Variants in FHIT observed in about 807,000 individuals in gnomAD.
FHIT encodes the protein fragile histidine triad diadenosine triphosphatase.
A neutral mutation model predicts 17.9 loss-of-function variants in FHIT; 19 were observed. The ratio of observed to expected loss-of-function variants is 1.06; its 90% CI spans 0.74 to 1.56. The LOEUF is 1.56. FHIT is among the 40% of genes most tolerant of loss of function. The pLI is 0.00. For missense variants in FHIT, 248 were observed against 189.2 expected (o/e 1.31, Z -1.82); for synonymous variants, 81 against 69.7 (o/e 1.16, Z -0.81).
chr3:60,183,425 CA>C (rs978981334), intron 5 of FHIT, among the ~76,000 whole-genome samples: 1 of 151,788 alleles, frequency 6.6e-6, no homozygotes, highest in Non-Finnish European at 1.5e-5. Flanking sequence ...AACAAACAAA[CA>C]AAAAAATAAA....
At chr3:60,444,692 T>A (rs1385648655) in intron 5 of FHIT, among the ~76,000 whole-genome samples, 5 of 151,964 alleles carry the variant, frequency 3.3e-5, no homozygotes, top group African/African-American at 1.2e-4. Context: ...CCGGGGTCTG[T>A]TGTTGGGTGG....
In FHIT at chr3:60,818,676, T is replaced by C. The variant is rs1701819454; in HGVS notation, c.-18+3243A>G. Among the ~76,000 whole-genome samples, 2 of 152,186 alleles carry C rather than the reference T, an allele frequency of 1.3e-5. 1 individual carries two copies. The highest frequency in any genetic ancestry group is 4.1e-4 in the South Asian group (2 of 4,826). ...TCTGAAAGTTTAGTTTGTCTCATAT[T>C]AATAAATTCAAGGGTCAACCAGAAA... is the stretch of plus-strand genomic sequence containing the variant. On this transcript the variant is annotated intron_variant, in intron 4 of 9. Transcript: ENST00000492590.
At position 59,897,868 on chromosome 3, in the gene FHIT, G is replaced by A. The variant is rs190661104; in HGVS notation, c.348+24478C>T. The stretch of plus-strand genomic sequence containing the variant: ...TGCAAGCTCCGCCTCCCGGGTTCAC[G>A]CCATTCTCCTGCCTCAGCCTCCCGA... On this transcript the variant is annotated intron_variant, in intron 8 of 9. Transcript: ENST00000492590. 8.2e-3 allele frequency among the ~76,000 whole-genome samples: 1,234 copies of A among 151,390 alleles called. 19 individuals are homozygous for A. The highest frequency in any genetic ancestry group is 0.027 in the African/African-American group (1,109 of 41,152).
chr3:60,296,919 TGC>T, intron 5 of FHIT, among the ~76,000 whole-genome samples: 1 of 119,914 alleles, frequency 8.3e-6, no homozygotes, highest in African/African-American at 3.4e-5. Context: ...TTTTTATTTT[TGC>T]AAAAAAAAAA....
intron 8 of FHIT, among the ~76,000 whole-genome samples, chr3:59,868,483 G>A (rs1178736462): frequency 6.6e-6 from 1 of 152,182 alleles, no homozygotes; most frequent in Non-Finnish European, 1.5e-5. Flanking sequence ...GCAAATATGA[G>A]GTCTTGAATC....
At chr3:60,757,174 C>T (rs56161874) in intron 4 of FHIT, among the ~76,000 whole-genome samples, 43,522 of 151,688 alleles carry the variant, frequency 0.29, 7,086 homozygotes, top group Middle Eastern at 0.37. Flanking sequence ...TGGAGATAAA[C>T]TTCAAGTAAG....
chr3:60,682,651 C>T (rs1010779919), intron 4 of FHIT, among the ~76,000 whole-genome samples: 19 of 152,178 alleles, frequency 1.2e-4, no homozygotes, highest in Non-Finnish European at 2.8e-4. Context: ...TACCTGGTCA[C>T]CCAAGAGTTC....
intron 4 of FHIT, among the ~76,000 whole-genome samples, chr3:60,645,697 C>A (rs766909135): frequency 6.6e-6 from 1 of 152,150 alleles, no homozygotes; most frequent in Non-Finnish European, 1.5e-5. Flanking sequence ...ACAATACAAC[C>A]ATTCTAACAT....
intron 3 of FHIT, among the ~76,000 whole-genome samples, chr3:60,981,243 C>G (rs535367527): frequency 2.6e-5 from 4 of 151,968 alleles, no homozygotes; most frequent in African/African-American, 9.7e-5. Context: ...TGCTAAGGTC[C>G]CAAGGCAACA....
chr3:60,014,697 C>T lies in FHIT; in HGVS notation c.104-545G>A, dbSNP rs151254387. ...AGACATTCTGAAAATGTACAGTGAA[C>T]TTTATCCATAACTAAGAGAGGTGCC... On this transcript the variant is annotated intron_variant, in intron 5 of 9. Coordinates refer to ENST00000492590, the MANE Select transcript of FHIT (RefSeq NM_002012.4). Among the ~76,000 whole-genome samples the T allele has an allele frequency of 5.1e-3, 770 of 152,234 alleles. 3 individuals carry two copies. The highest frequency in any genetic ancestry group is 0.02 in the Middle Eastern group (6 of 294).
chr3:60,566,337 A>G (rs1456594777), intron 4 of FHIT, among the ~76,000 whole-genome samples: 2 of 152,140 alleles, frequency 1.3e-5, no homozygotes, highest in African/African-American at 4.8e-5. Context: ...CCAGCATATA[A>G]ACAGAACCAA....
chr3:60,610,158 G>A (rs553163317), intron 4 of FHIT, among the ~76,000 whole-genome samples: 1 of 152,006 alleles, frequency 6.6e-6, no homozygotes, highest in South Asian at 2.1e-4. Flanking sequence ...TAATTTGTTT[G>A]TATTAAACCA....
At chr3:59,881,588 A>C (rs1331034736) in intron 8 of FHIT, among the ~76,000 whole-genome samples, 1 of 152,214 alleles carries the variant, frequency 6.6e-6, no homozygotes, top group African/African-American at 2.4e-5. Context: ...CTCCCAAAAC[A>C]AAACAAATCT....
chr3:60,300,238 A>G (rs1284917114), intron 5 of FHIT, among the ~76,000 whole-genome samples: 4 of 152,252 alleles, frequency 2.6e-5, no homozygotes, highest in African/African-American at 9.6e-5. Context: ...CTAGAAGTGA[A>G]AGTCCCCTTG....
At chr3:59,971,054 G>C (rs143339532) in intron 7 of FHIT, among the ~76,000 whole-genome samples, 50 of 152,128 alleles carry the variant, frequency 3.3e-4, no homozygotes, top group Middle Eastern at 3.4e-3. Flanking sequence ...TGGAGGTCTG[G>C]AGAAACTCTG....
At chr3:60,818,433 T>C (rs2205351) in intron 4 of FHIT, among the ~76,000 whole-genome samples, 129,150 of 152,116 alleles carry the variant, frequency 0.85, 55,683 homozygotes, top group East Asian at 0.95. Context: ...AAACTATCCC[T>C]TGGGTAGCAG....
At chr3:60,827,297 A>T (rs1302045993) in intron 3 of FHIT, among the ~76,000 whole-genome samples, 3 of 152,180 alleles carry the variant, frequency 2.0e-5, no homozygotes, top group African/African-American at 7.2e-5. Context: ...GGCCATCCCC[A>T]AATCCCAATA....
intron 3 of FHIT, among the ~76,000 whole-genome samples, chr3:60,858,765 G>A (rs1356490422): frequency 6.6e-6 from 1 of 152,152 alleles, no homozygotes; most frequent in African/African-American, 2.4e-5. Context: ...TTTCTTGAAA[G>A]TCTGTGGCAT....
At chr3:60,365,556 CT>C (rs1447116160) in intron 5 of FHIT, among the ~76,000 whole-genome samples, 1 of 152,102 alleles carries the variant, frequency 6.6e-6, no homozygotes, top group African/African-American at 2.4e-5. Flanking sequence ...ATATTTCTTC[CT>C]TCATAATTCA....
Sources: gnomAD v4.1 joint callset for allele counts (sites outside exome capture counted in the v4.1 genomes callset) on GRCh38, gnomAD v4.1.1 for gene constraint, MANE v1.5 for transcripts, NCBI Gene and HGNC (gene_info 2026-07-23, HGNC 2026-07-21) for gene names.